The following SLCO5A1 variants were observed in gnomAD, a reference collection of about 807,000 sequenced individuals.
SLCO5A1 encodes the protein solute carrier organic anion transporter family member 5A1, also known as organic anion transporter polypeptide-related protein 4.
A neutral mutation model predicts 65.1 loss-of-function variants in SLCO5A1; 39 were observed. That is an observed-to-expected ratio of 0.60 (90% CI 0.46 to 0.78). The LOEUF is 0.78. SLCO5A1 is among the 30% of genes least tolerant of loss of function. The pLI is 0.00. For synonymous variants in SLCO5A1, 438 were observed against 415.7 expected (o/e 1.05, Z -0.65); for missense variants, 1,029 against 1,069.4 (o/e 0.96, Z 0.53).
chr8:69,740,264 A>G (rs1816739710), intron 4 of SLCO5A1, among the ~76,000 whole-genome samples: 1 of 152,192 alleles, frequency 6.6e-6, no homozygotes, highest in Non-Finnish European at 1.5e-5. Flanking sequence ...GGGTGGGAGA[A>G]CAGTATACAG....
At position 69,669,209 on chromosome 8, in the gene SLCO5A1, C is replaced by T. The variant is rs961945940; in HGVS notation, c.*3660G>A. The T allele has an allele frequency of 6.6e-6, 1 of 151,924 alleles. No homozygotes were observed. The highest frequency in any genetic ancestry group is 2.4e-5 in the African/African-American group (1 of 41,348). The allele number at this position is 151,924 out of a possible 1,614,324, so 9.4% of individuals were successfully genotyped here. On this transcript the variant is annotated 3_prime_UTR_variant, in exon 10 of 10. Coordinates refer to ENST00000260126, the MANE Select transcript of SLCO5A1 (RefSeq NM_030958.3). ...CTTAGCTAAATAAATGTAAATTTACCTTGAAAATCTAGTTAAACATTAAAT... is the reference window on the plus strand; with the variant it reads ...CTTAGCTAAATAAATGTAAATTTACTTTGAAAATCTAGTTAAACATTAAAT...
intron 4 of SLCO5A1, among the ~76,000 whole-genome samples, chr8:69,753,533 T>G (rs945020372): frequency 1.3e-5 from 2 of 152,210 alleles, no homozygotes; most frequent in Non-Finnish European, 2.9e-5. Context: ...AACTTCATTC[T>G]CAGCAACAGT....
chr8:69,776,575 G>C (rs182660589), intron 2 of SLCO5A1, among the ~76,000 whole-genome samples: 149 of 151,962 alleles, frequency 9.8e-4, no homozygotes, highest in Non-Finnish European at 1.7e-3. Context: ...CTGTAGTCCC[G>C]GCTACTCAAG....
intron 2 of SLCO5A1, chr8:69,772,967 G>C (rs971148252): frequency 1.1e-5 from 11 of 985,244 alleles, no homozygotes; most frequent in Non-Finnish European, 1.3e-5. Flanking sequence ...CCAATTATAT[G>C]CTGTGGACTG....
At chr8:69,735,462 A>C (rs575562516) in intron 5 of SLCO5A1, among the ~76,000 whole-genome samples, 2 of 152,374 alleles carry the variant, frequency 1.3e-5, no homozygotes, top group South Asian at 4.1e-4. Context: ...AATGTGGTAC[A>C]TATGCACCAT....
chr8:69,709,039 A>G (rs1222683173), intron 5 of SLCO5A1, among the ~76,000 whole-genome samples: 1 of 152,234 alleles, frequency 6.6e-6, no homozygotes, highest in Non-Finnish European at 1.5e-5. Context: ...CTCTGACAAG[A>G]GCAATTTTAA....
At chr8:69,741,006 A>G (rs1816768256) in intron 4 of SLCO5A1, among the ~76,000 whole-genome samples, 1 of 152,224 alleles carries the variant, frequency 6.6e-6, no homozygotes, top group Non-Finnish European at 1.5e-5. Context: ...CCAGAGAAAA[A>G]TTTGAGTCGT....
intron 6 of SLCO5A1, among the ~76,000 whole-genome samples, chr8:69,684,303 C>T (rs1459680138): frequency 6.6e-6 from 1 of 152,140 alleles, no homozygotes; most frequent in Non-Finnish European, 1.5e-5. Flanking sequence ...GTGCTACGGG[C>T]ATCTAATGGG....
chr8:69,784,547 G>A (rs994922093), intron 2 of SLCO5A1, among the ~76,000 whole-genome samples: 3 of 152,082 alleles, frequency 2.0e-5, no homozygotes, highest in Admixed American at 1.3e-4. Flanking sequence ...CAGCACTTTC[G>A]GAGGCCGAGG....
chr8:69,767,480 G>A (rs912288761), intron 2 of SLCO5A1, among the ~76,000 whole-genome samples: 16 of 152,114 alleles, frequency 1.1e-4, no homozygotes, highest in African/African-American at 3.9e-4. Flanking sequence ...CTCTGAGCCT[G>A]TTTCCTCATC....
intron 6 of SLCO5A1, among the ~76,000 whole-genome samples, chr8:69,684,677 C>A (rs1458121740): frequency 6.6e-6 from 1 of 152,120 alleles, no homozygotes; most frequent in Non-Finnish European, 1.5e-5. Context: ...TCCACAAGTG[C>A]TTCTCTGGGC....
intron 2 of SLCO5A1, among the ~76,000 whole-genome samples, chr8:69,765,547 A>G (rs576358269): frequency 4.6e-5 from 7 of 152,272 alleles, no homozygotes; most frequent in Admixed American, 3.3e-4. Context: ...GGATTAACCA[A>G]TGGTTCTCAT....
chr8:69,829,162 C>G (rs1821054765), intron 2 of SLCO5A1, among the ~76,000 whole-genome samples: 1 of 152,194 alleles, frequency 6.6e-6, no homozygotes, highest in South Asian at 2.1e-4. Context: ...TAATGAACAG[C>G]AAGGTGCATG....
At chr8:69,806,066 C>T (rs1819977349) in intron 2 of SLCO5A1, among the ~76,000 whole-genome samples, 1 of 152,196 alleles carries the variant, frequency 6.6e-6, no homozygotes, top group Admixed American at 6.5e-5. Context: ...AAATTAGACT[C>T]CCCCAACCCC....
chr8:69,747,028 T>A (rs1264475546), intron 4 of SLCO5A1, among the ~76,000 whole-genome samples: 1 of 152,136 alleles, frequency 6.6e-6, no homozygotes, highest in African/African-American at 2.4e-5. Flanking sequence ...CCACAGCCTG[T>A]GGACATTATT....
intron 2 of SLCO5A1, among the ~76,000 whole-genome samples, chr8:69,814,090 T>C (rs1820314082): frequency 6.6e-6 from 1 of 152,032 alleles, no homozygotes; most frequent in Non-Finnish European, 1.5e-5. Context: ...AACATGACAT[T>C]GGAAATGCCA....
rs114064211 is a variant in SLCO5A1 at position 69,751,061 on chromosome 8, C to T, written c.1258+4363G>A. On this transcript the variant is annotated intron_variant, in intron 4 of 9. Transcript: ENST00000260126. ...TATATTGCACTCTAACAGACAAAAT[C>T]CTAGCAGAGAAATCTCTGTTACATT... Among the ~76,000 whole-genome samples, 1,325 of 152,240 alleles carry T rather than the reference C, an allele frequency of 8.7e-3. 22 individuals are homozygous for T. Among genetic ancestry groups the T allele is most frequent in the African/African-American group, 0.03 (1,260 of 41,532 alleles).
intron 5 of SLCO5A1, among the ~76,000 whole-genome samples, chr8:69,705,767 G>A (rs958273130): frequency 4.6e-5 from 7 of 152,108 alleles, no homozygotes; most frequent in South Asian, 2.1e-4. Flanking sequence ...TACCAATCAC[G>A]TTTGTGAAAA....
intron 2 of SLCO5A1, among the ~76,000 whole-genome samples, chr8:69,776,650 A>G (rs904086542): frequency 1.3e-5 from 2 of 152,148 alleles, no homozygotes; most frequent in Non-Finnish European, 2.9e-5. Flanking sequence ...TGATCATGCC[A>G]CTGCACTCCA....
Sources: gnomAD v4.1 joint callset for allele counts (sites outside exome capture counted in the v4.1 genomes callset) on GRCh38, gnomAD v4.1.1 for gene constraint, MANE v1.5 for transcripts, NCBI Gene and HGNC (gene_info 2026-07-23, HGNC 2026-07-21) for gene names.